ATP10D: variants seen among roughly 807,000 people sequenced by gnomAD.
ATP10D encodes ATPase phospholipid transporting 10D (putative).
Under a neutral mutation model 144.8 loss-of-function variants are expected in ATP10D, and 89 were observed. That is an observed-to-expected ratio of 0.61 (90% CI 0.52 to 0.73). ATP10D has a LOEUF of 0.73. ATP10D is among the 30% of genes least tolerant of loss of function. The pLI, the probability that ATP10D is intolerant of heterozygous loss-of-function variation, is 0.00. For missense variants in ATP10D, 1,603 were observed against 1,714.8 expected (o/e 0.93, Z 1.15); for synonymous variants, 571 against 615.1 (o/e 0.93, Z 1.06).
intron 18 of ATP10D, among the ~76,000 whole-genome samples, chr4:47,573,989 A>G (rs1720100437): frequency 6.6e-6 from 1 of 152,208 alleles, no homozygotes. Context: ...CAGATACTTT[A>G]GGAAAATATT....
rs1025377140 is a variant in ATP10D at position 47,572,671 on chromosome 4, G to A, written c.3241-201G>A. ...TGTGTGTGTGTGTGTGTGTGTGTGTGTGTGTGTGTTGGATGGTATTTTAGG... is the reference window on the plus strand; with the variant it reads ...TGTGTGTGTGTGTGTGTGTGTGTGTATGTGTGTGTTGGATGGTATTTTAGG... On this transcript the variant is annotated intron_variant, in intron 17 of 22. Coordinates refer to ENST00000273859, the MANE Select transcript of ATP10D (RefSeq NM_020453.4). 5.9e-5 allele frequency among the ~76,000 whole-genome samples: 9 copies of A among 151,780 alleles called. No individual in the cohort carries two copies. The South Asian group carries it at 6.3e-4, about 11-fold the overall frequency.
At position 47,558,099 on chromosome 4, in the gene ATP10D, G is replaced by A; in HGVS notation, c.2260G>A (p.Val754Met). ...GTCTCGGACACCAGAGCAGGTCATGGTGGACTTTGCTGCTTTGGGACCATT... is the reference window on the plus strand; with the variant it reads ...GTCTCGGACACCAGAGCAGGTCATGATGGACTTTGCTGCTTTGGGACCATT... The part of the protein sequence containing the change: ...LRSRTPEQVM[V>M]DFAALGPLTF... The change falls in exon 12 of 23, where the codon GTG (valine) becomes ATG (methionine). Residue 754 changes from valine to methionine, a missense_variant. By Grantham distance (21) the Val-to-Met change is conservative (BLOSUM62 1). Coordinates refer to ENST00000273859, the MANE Select transcript of ATP10D (RefSeq NM_020453.4). The A allele has an allele frequency of 6.2e-7, 1 of 1,614,200 alleles. No individual in the cohort carries two copies. Among genetic ancestry groups the A allele is most frequent in the Non-Finnish European group, 8.5e-7 (1 of 1,180,034 alleles).
At chr4:47,522,203 G>A (rs1011642807) in intron 3 of ATP10D, among the ~76,000 whole-genome samples, 1 of 152,038 alleles carries the variant, frequency 6.6e-6, no homozygotes, top group Non-Finnish European at 1.5e-5. Context: ...TTTACCCTAG[G>A]GAAAATGACA....
Position 47,536,784 on chromosome 4 carries a change from G to A in ATP10D, c.1242G>A (p.Met414Ile), listed in dbSNP as rs147390403. 1.2e-6 allele frequency: 2 copies of A among 1,613,094 alleles called. No homozygotes were observed. Among genetic ancestry groups the A allele is most frequent in the African/African-American group, 1.3e-5 (1 of 74,980 alleles). Residue 414 changes from methionine to isoleucine, a missense_variant, in exon 9 of 23, where the codon ATG (methionine) becomes ATA (isoleucine). Met to Ile is a conservative substitution (Grantham distance 10, BLOSUM62 1). Transcript: ENST00000273859. ...ATGTGGATTTCTACAATGAAAAAAT[G>A]GATTCTATTGTTCAGTGCCGAGCCC... ...QSDVDFYNEK[M>I]DSIVQCRALN...
At chr4:47,531,700 T>G (rs1378779278) in intron 5 of ATP10D, among the ~76,000 whole-genome samples, 1 of 152,166 alleles carries the variant, frequency 6.6e-6, no homozygotes, top group Non-Finnish European at 1.5e-5. Flanking sequence ...CAAGGATCAT[T>G]TCCTCTAGCT....
At chr4:47,505,961 C>T (rs1577620938) in intron 1 of ATP10D, among the ~76,000 whole-genome samples, 1 of 152,080 alleles carries the variant, frequency 6.6e-6, no homozygotes, top group East Asian at 1.9e-4. Flanking sequence ...CTGTATTTAC[C>T]TTTGGTAATC....
At chr4:47,552,486 C>A (rs1024118538) in intron 10 of ATP10D, among the ~76,000 whole-genome samples, 1 of 152,196 alleles carries the variant, frequency 6.6e-6, no homozygotes, top group East Asian at 1.9e-4. Context: ...ATATGGTGGA[C>A]AAGCTCCCTT....
chr4:47,533,698 A>G (rs1270811185), intron 5 of ATP10D, among the ~76,000 whole-genome samples: 1 of 152,184 alleles, frequency 6.6e-6, no homozygotes, highest in Non-Finnish European at 1.5e-5. Context: ...TCAAGTAATT[A>G]CTTCAATAAT....
intron 22 of ATP10D, among the ~76,000 whole-genome samples, chr4:47,588,710 C>T (rs944422225): frequency 3.3e-5 from 5 of 152,168 alleles, no homozygotes; most frequent in Admixed American, 6.6e-5. Context: ...TTATATATAA[C>T]AATATCACTG....
At chr4:47,570,515 G>A (rs1222288792) in intron 16 of ATP10D, among the ~76,000 whole-genome samples, 1 of 152,096 alleles carries the variant, frequency 6.6e-6, no homozygotes, top group Non-Finnish European at 1.5e-5. Context: ...AAGTCTAGTG[G>A]GTATCAGGCC....
intron 3 of ATP10D, among the ~76,000 whole-genome samples, chr4:47,521,606 C>T (rs1411523552): frequency 6.6e-6 from 1 of 152,130 alleles, no homozygotes; most frequent in Non-Finnish European, 1.5e-5. Flanking sequence ...ATGGTCACAT[C>T]CTTCTTTGTC....
chr4:47,557,944 C>T lies in ATP10D; in HGVS notation c.2105C>T (p.Ala702Val). ...CTETEKQHGD[A>V]GLLNGKAESL... Reference sequence around the variant, plus strand: ...GAAACAGAGAAACAACACGGTGATGCAGGCCTCCTGAATGGCAAGGCAGAG... The same window carrying T: ...GAAACAGAGAAACAACACGGTGATGTAGGCCTCCTGAATGGCAAGGCAGAG... Residue 702 changes from alanine to valine, a missense_variant, in exon 12 of 23, where the codon GCA becomes GTA. By Grantham distance (64) the Ala-to-Val change is moderately conservative. Coordinates refer to ENST00000273859, the MANE Select transcript of ATP10D (RefSeq NM_020453.4). 6.2e-7 allele frequency: 1 copy of T among 1,614,188 alleles called. No individual in the cohort carries two copies. The highest frequency in any genetic ancestry group is 8.5e-7 in the Non-Finnish European group (1 of 1,180,040).
chr4:47,498,914 G>C (rs1266769197), intron 1 of ATP10D, among the ~76,000 whole-genome samples: 2 of 152,166 alleles, frequency 1.3e-5, no homozygotes, highest in African/African-American at 4.8e-5. Flanking sequence ...ACATGAAGCT[G>C]GAGTTTGCCT....
At chr4:47,537,645 G>A (rs1717921822) in intron 9 of ATP10D, among the ~76,000 whole-genome samples, 1 of 152,070 alleles carries the variant, frequency 6.6e-6, no homozygotes, top group African/African-American at 2.4e-5. Context: ...GTTAGAACAT[G>A]TAATAGTACT....
intron 5 of ATP10D, among the ~76,000 whole-genome samples, chr4:47,532,099 C>T (rs927081124): frequency 1.3e-5 from 2 of 152,142 alleles, no homozygotes; most frequent in South Asian, 2.1e-4. Context: ...ACTGTTTGCT[C>T]CTGTATCATC....
chr4:47,575,817 G>A (rs1336716900), intron 18 of ATP10D, among the ~76,000 whole-genome samples: 1 of 152,122 alleles, frequency 6.6e-6, no homozygotes, highest in African/African-American at 2.4e-5. Flanking sequence ...ATCCAGATGA[G>A]GGTACCAGAA....
Position 47,557,823 on chromosome 4 carries a change from C to A in ATP10D, c.1984C>A (p.Leu662Ile), listed in dbSNP as rs765398868. 8.7e-6 allele frequency: 14 copies of A among 1,614,102 alleles called. No individual in the cohort carries two copies. The highest frequency in any genetic ancestry group is 1.1e-5 in the Non-Finnish European group (13 of 1,180,054). The change falls in exon 12 of 23, where the codon CTC (leucine) becomes ATC (isoleucine). Residue 662 changes from leucine (L) to isoleucine (I), a missense_variant. Coordinates refer to ENST00000273859, the MANE Select transcript of ATP10D (RefSeq NM_020453.4). Reference sequence around the variant, plus strand: ...AAACGCCTTTGTGAGCAGACTCCCTCTCTTTAGTCGAATGAAACCAGCTTC... The same window carrying A: ...AAACGCCTTTGTGAGCAGACTCCCTATCTTTAGTCGAATGAAACCAGCTTC... ...VPNAFVSRLP[L>I]FSRMKPASPV...
At chr4:47,547,103 G>C (rs3924898) in intron 10 of ATP10D, 1 of 513,928 alleles carries the variant, frequency 1.9e-6, no homozygotes, top group East Asian at 3.4e-5. Flanking sequence ...AAAAAAAAAG[G>C]AGAATATTTC....
chr4:47,580,285 T>C (rs1026894373), intron 19 of ATP10D, 113 bp from the exon 20 acceptor site: 4 of 855,588 alleles, frequency 4.7e-6, no homozygotes, highest in Admixed American at 1.9e-5. Flanking sequence ...AAATACCACT[T>C]GAAGAAATGG....
Sources: allele counts gnomAD v4.1 joint callset (sites outside exome capture counted in the v4.1 genomes callset), GRCh38; gene constraint gnomAD v4.1.1; transcripts MANE v1.5; gene names NCBI Gene and HGNC (gene_info 2026-07-23, HGNC 2026-07-21).